Variants in HDAC4 observed in about 807,000 individuals in gnomAD.
HDAC4 encodes histone deacetylase 4.
Under a neutral mutation model 135.1 loss-of-function variants are expected in HDAC4, and 16 were observed. The ratio of observed to expected loss-of-function variants is 0.12; its 90% CI spans 0.08 to 0.18. HDAC4 has a LOEUF of 0.18. Ranked by LOEUF, HDAC4 falls within the 10% of genes least tolerant of loss-of-function variation. The pLI, the probability that HDAC4 is intolerant of heterozygous loss-of-function variation, is 1.00. For synonymous variants in HDAC4, 685 were observed against 653.4 expected (o/e 1.05, Z -0.74); for missense variants, 1,143 against 1,511.8 (o/e 0.76, Z 4.05).
Position 239,308,168 on chromosome 2 carries a change from T to C in HDAC4, c.22+44510A>G, listed in dbSNP as rs767400187. ...GGCCCCAGCTTCCTCATCTGTGAGA[T>C]GGGGGTGGTCAGCGTGCAGGAAGCC... On this transcript the variant is annotated intron_variant, in intron 2 of 26. Coordinates refer to ENST00000543185, the MANE Select transcript of HDAC4 (RefSeq NM_001378414.1). The surrounding 1 kb of genome is among the most constrained non-coding windows in gnomAD (Gnocchi z 4.2). 6.6e-6 allele frequency among the ~76,000 whole-genome samples: 1 copy of C among 152,086 alleles called. No homozygotes were observed.
chr2:239,054,866 C>A, intron 24 of HDAC4, 33 bp from the exon 25 acceptor site: 1 of 1,390,922 alleles, frequency 7.2e-7, no homozygotes, highest in South Asian at 1.2e-5. Context: ...ATAAAGACTG[C>A]CAATATAATC....
rs539280711 is a variant in HDAC4 at position 239,331,570 on chromosome 2, G to A, written c.22+21108C>T. ...AAGCCGCCCAGATAGTGAGTTCTACGGGGGAAGCCTTCAGGAAGCACACAC... is the reference window on the plus strand; with the variant it reads ...AAGCCGCCCAGATAGTGAGTTCTACAGGGGAAGCCTTCAGGAAGCACACAC... On this transcript the variant is annotated intron_variant, in intron 2 of 26. Transcript: ENST00000543185. The surrounding 1 kb of genome is among the most constrained non-coding windows in gnomAD (Gnocchi z 4.5). Among the ~76,000 whole-genome samples the A allele has an allele frequency of 5.3e-5, 8 of 152,230 alleles. No individual in the cohort carries two copies. Among genetic ancestry groups the A allele is most frequent in the African/African-American group, 1.7e-4 (7 of 41,542 alleles).
Position 239,084,185 on chromosome 2 carries a change from C to A in HDAC4, c.2502G>T (p.Leu834Phe). ...CCACGATGAGGATCTTGCTCACGCT[C>A]AACCTCTGCTGCAGAAGCTTGGCTG... ...AVAAKLLQQR[L>F]SVSKILIVDW... Residue 834 changes from leucine to phenylalanine, a missense_variant, in exon 20 of 27, where the codon TTG becomes TTT. Leu to Phe is a conservative substitution (Grantham distance 22, BLOSUM62 0). Transcript: ENST00000543185. The A allele has an allele frequency of 6.2e-7, 1 of 1,613,504 alleles. No homozygotes were observed. The highest frequency in any genetic ancestry group is 8.5e-7 in the Non-Finnish European group (1 of 1,179,642).
intron 2 of HDAC4, among the ~76,000 whole-genome samples, chr2:239,297,655 G>A (rs992281986): frequency 1.3e-5 from 2 of 152,160 alleles, no homozygotes; most frequent in African/African-American, 2.4e-5. Context: ...CAATGGTAGC[G>A]CCCATCACAG....
At position 239,139,824 on chromosome 2, in the gene HDAC4, T is replaced by C. The variant is rs765392444; in HGVS notation, c.866-28A>G. On this transcript the variant is annotated intron_variant, in intron 8 of 26. Coordinates refer to ENST00000543185, the MANE Select transcript of HDAC4 (RefSeq NM_001378414.1). This position sits in a 1 kb window ranked among gnomAD's most constrained non-coding sequence, Gnocchi z 5.3. ...GCGGAGGCAGAAATACCCTGGTGAGTGTTACTCCATGCGGAGGGAGGGCCG... is the reference window on the plus strand; with the variant it reads ...GCGGAGGCAGAAATACCCTGGTGAGCGTTACTCCATGCGGAGGGAGGGCCG... 2 of 1,592,754 alleles carry C rather than the reference T, an allele frequency of 1.3e-6. No individual in the cohort carries two copies. The highest frequency in any genetic ancestry group is 1.7e-6 in the Non-Finnish European group (2 of 1,161,102).
chr2:239,149,208 C>T (rs889944607), intron 7 of HDAC4, among the ~76,000 whole-genome samples: 3 of 151,926 alleles, frequency 2.0e-5, no homozygotes, highest in Admixed American at 6.6e-5. Context: ...TTGAGACCAG[C>T]GTGGCCAACA....
At chr2:239,208,053 T>A (rs1384665476) in intron 3 of HDAC4, among the ~76,000 whole-genome samples, 3 of 151,914 alleles carry the variant, frequency 2.0e-5, no homozygotes, top group African/African-American at 7.3e-5. Context: ...CCGGGCGCGG[T>A]GGCTCACGCC....
chr2:239,167,719 T>C lies in HDAC4; in HGVS notation c.491-3796A>G, dbSNP rs375264962. On this transcript the variant is annotated intron_variant, in intron 5 of 26. Coordinates refer to ENST00000543185, the MANE Select transcript of HDAC4 (RefSeq NM_001378414.1). The surrounding 1 kb of genome is among the most constrained non-coding windows in gnomAD (Gnocchi z 4.1). ...ATGGATAGCAGATCTCCCTAATTTT[T>C]ACTTTTACTTTTTTTTTTTTTTTCT... Among the ~76,000 whole-genome samples the C allele has an allele frequency of 4.7e-4, 71 of 152,144 alleles. 1 individual carries two copies. In the East Asian group the frequency reaches 8.9e-3, roughly 19 times the overall value.
intron 1 of HDAC4, among the ~76,000 whole-genome samples, chr2:239,368,992 C>G (rs532949797): frequency 6.6e-6 from 1 of 152,212 alleles, no homozygotes; most frequent in South Asian, 2.1e-4. Flanking sequence ...AGGTGAATGC[C>G]AACCCCACGG....
At chr2:239,161,193 G>A (rs578019663) in intron 6 of HDAC4, among the ~76,000 whole-genome samples, 17 of 152,278 alleles carry the variant, frequency 1.1e-4, no homozygotes, top group African/African-American at 3.8e-4. Flanking sequence ...GGATACAAGC[G>A]GTTTGTAAGA....
chr2:239,200,175 TG>T (rs1184903439), intron 3 of HDAC4, among the ~76,000 whole-genome samples: 3 of 152,164 alleles, frequency 2.0e-5, no homozygotes, highest in Non-Finnish European at 4.4e-5. Flanking sequence ...GGCGTTTTTG[TG>T]AATTTCCTGA....
intron 3 of HDAC4, among the ~76,000 whole-genome samples, chr2:239,192,840 C>T (rs2045090637): frequency 6.6e-6 from 1 of 152,108 alleles, no homozygotes; most frequent in Non-Finnish European, 1.5e-5. Flanking sequence ...GTGAACCCAT[C>T]GGGGAAGGCA....
intron 5 of HDAC4, among the ~76,000 whole-genome samples, chr2:239,174,241 TAC>T (rs1257497391): frequency 2.6e-5 from 4 of 152,260 alleles, no homozygotes; most frequent in Non-Finnish European, 5.9e-5. Context: ...ACAGGCAAAG[TAC>T]AGAGTGGAAG....
intron 8 of HDAC4, 120 bp downstream of exon 8, chr2:239,144,462 TG>T (rs1484178147): frequency 8.4e-6 from 11 of 1,308,358 alleles, no homozygotes; most frequent in Admixed American, 8.4e-5. Flanking sequence ...AGGACCACAC[TG>T]GGGGTTGACA....
At position 239,296,995 on chromosome 2, in the gene HDAC4, AAAT is replaced by A. The variant is rs2051936654; in HGVS notation, c.22+55680_22+55682del. ...AGATGTTCGTGGGGCTGCAGGGAAC[AAAT>A]AAAACTCCCATTTCTGTTTGTTTTC... On this transcript the variant is annotated intron_variant, in intron 2 of 26. Coordinates refer to ENST00000543185, the MANE Select transcript of HDAC4 (RefSeq NM_001378414.1). Among the ~76,000 whole-genome samples the A allele has an allele frequency of 5.3e-5, 8 of 151,192 alleles. No individual in the cohort carries two copies. The South Asian group carries it at 1.7e-3, about 32-fold the overall frequency.
At chr2:239,323,236 G>T (rs115849660) in intron 2 of HDAC4, among the ~76,000 whole-genome samples, 229 of 152,266 alleles carry the variant, frequency 1.5e-3, no homozygotes, top group African/African-American at 5.4e-3. Context: ...TATGTAATAG[G>T]TACAGGTATG....
intron 4 of HDAC4, among the ~76,000 whole-genome samples, chr2:239,183,583 C>T (rs1204038730): frequency 6.6e-6 from 1 of 152,242 alleles, no homozygotes; most frequent in Non-Finnish European, 1.5e-5. Context: ...GTGCATGTGC[C>T]TCTGCCTAGC....
At chr2:239,142,708 T>C (rs913782425) in intron 8 of HDAC4, among the ~76,000 whole-genome samples, 1 of 150,434 alleles carries the variant, frequency 6.6e-6, no homozygotes, top group Non-Finnish European at 1.5e-5. Flanking sequence ...CTGTCACACA[T>C]GACTCCTGGG....
chr2:239,157,527 G>A (rs2042505064), intron 6 of HDAC4, among the ~76,000 whole-genome samples: 1 of 152,226 alleles, frequency 6.6e-6, no homozygotes, highest in African/African-American at 2.4e-5. Context: ...GGCGGGCCCT[G>A]GGCCGGGACG....
Sources: allele counts gnomAD v4.1 joint callset (sites outside exome capture counted in the v4.1 genomes callset), GRCh38; gene constraint gnomAD v4.1.1; non-coding constraint Gnocchi (gnomAD v3.1); transcripts MANE v1.5; gene names NCBI Gene and HGNC (gene_info 2026-07-23, HGNC 2026-07-21).